The following IL1RAPL2 variants were observed in gnomAD, a reference collection of about 807,000 sequenced individuals.
IL1RAPL2 encodes X-linked interleukin-1 receptor accessory protein-like 2.
Under a neutral mutation model 44.1 loss-of-function variants are expected in IL1RAPL2, and 3 were observed. The ratio of observed to expected loss-of-function variants is 0.07; its 90% confidence interval spans 0.03 to 0.18. The LOEUF (loss-of-function observed/expected upper bound fraction) is 0.18, where lower values mean the gene tolerates loss of function less well. Among genes scored for constraint, IL1RAPL2 ranks in the 10% least tolerant of loss-of-function variants. IL1RAPL2 has a pLI of 1.00. For synonymous variants in IL1RAPL2, 181 were observed against 178.8 expected (o/e 1.01, Z -0.10); for missense variants, 391 against 496.4 (o/e 0.79, Z 2.02).
At chrX:105,505,808 C>T (rs1007895381) in intron 6 of IL1RAPL2, among the ~76,000 whole-genome samples, 9 of 111,309 alleles carry the variant, frequency 8.1e-5, no homozygotes, top group Admixed American at 2.9e-4. Context: ...GAAATGTTGC[C>T]AAAGTAACAC....
At chrX:105,252,213 A>G (rs1200043050) in intron 4 of IL1RAPL2, among the ~76,000 whole-genome samples, 1 of 111,477 alleles carries the variant, frequency 9.0e-6, no homozygotes, top group African/African-American at 3.3e-5. Flanking sequence ...GTCTTCCTTT[A>G]CTTAGTATAA....
At chrX:104,839,512 C>T (rs767056416) in intron 2 of IL1RAPL2, among the ~76,000 whole-genome samples, 10 of 111,719 alleles carry the variant, frequency 9.0e-5, no homozygotes, top group Non-Finnish European at 1.5e-4. Flanking sequence ...AGGATATTTG[C>T]GTCAATGTTC....
chrX:105,340,068 A>G (rs749316850), intron 5 of IL1RAPL2, among the ~76,000 whole-genome samples: 1 of 111,804 alleles, frequency 8.9e-6, no homozygotes, highest in South Asian at 3.7e-4. Context: ...TCAAATTAAA[A>G]TATCTGTATC....
chrX:105,292,070 A>C (rs925743632), intron 5 of IL1RAPL2, among the ~76,000 whole-genome samples: 3 of 111,435 alleles, frequency 2.7e-5, no homozygotes, highest in African/African-American at 9.8e-5. Flanking sequence ...CTGAGGGACA[A>C]CTGTACTAAT....
intron 1 of IL1RAPL2, among the ~76,000 whole-genome samples, chrX:104,630,209 G>A (rs773832692): frequency 2.0e-3 from 219 of 107,101 alleles, no homozygotes; most frequent in Middle Eastern, 4.8e-3. Context: ...GTACAGTGGC[G>A]CGATCTCGGC....
intron 6 of IL1RAPL2, among the ~76,000 whole-genome samples, chrX:105,549,956 T>A (rs974299351): frequency 2.0e-4 from 23 of 112,331 alleles, no homozygotes; most frequent in Non-Finnish European, 3.6e-4. Context: ...TTCTAGATGC[T>A]TCCCTAAAAT....
chrX:104,846,993 T>G (rs1404652880), intron 2 of IL1RAPL2, among the ~76,000 whole-genome samples: 1 of 112,569 alleles, frequency 8.9e-6, no homozygotes, highest in Non-Finnish European at 1.9e-5. Flanking sequence ...CATAAATGTC[T>G]TCTTTTGAGA....
intron 2 of IL1RAPL2, among the ~76,000 whole-genome samples, chrX:105,022,471 T>A: frequency 8.9e-6 from 1 of 111,735 alleles, no homozygotes; most frequent in South Asian, 3.7e-4. Context: ...TCTGTCTCAA[T>A]GAATAGTTTG....
intron 3 of IL1RAPL2, among the ~76,000 whole-genome samples, chrX:105,213,473 C>A (rs1167877556): frequency 2.7e-5 from 3 of 110,105 alleles, no homozygotes; most frequent in African/African-American, 9.9e-5. Context: ...AAATATGGGA[C>A]TATGTGAAAA....
chrX:105,020,962 A>G (rs1212099625), intron 2 of IL1RAPL2, among the ~76,000 whole-genome samples: 1 of 112,238 alleles, frequency 8.9e-6, no homozygotes, highest in African/African-American at 3.2e-5. Flanking sequence ...TTATTTTCAC[A>G]TAATTTATCA....
chrX:105,318,505 TAAG>T (rs2034870384), intron 5 of IL1RAPL2, among the ~76,000 whole-genome samples: 1 of 111,436 alleles, frequency 9.0e-6, no homozygotes, highest in Non-Finnish European at 1.9e-5. Flanking sequence ...GAGAAAAATA[TAAG>T]AAGTAGATCA....
intron 2 of IL1RAPL2, among the ~76,000 whole-genome samples, chrX:104,953,489 C>G: frequency 9.0e-6 from 1 of 111,627 alleles, no homozygotes; most frequent in Middle Eastern, 4.7e-3. Flanking sequence ...CTTAACTAAA[C>G]ATTCCAGATG....
At chrX:105,292,742 A>C (rs777152744) in intron 5 of IL1RAPL2, among the ~76,000 whole-genome samples, 1 of 111,505 alleles carries the variant, frequency 9.0e-6, no homozygotes, top group Non-Finnish European at 1.9e-5. Context: ...TAAATCCCTC[A>C]GTTTTAATTT....
intron 2 of IL1RAPL2, among the ~76,000 whole-genome samples, chrX:105,081,406 A>G (rs1023124679): frequency 9.0e-6 from 1 of 111,645 alleles, no homozygotes; most frequent in Non-Finnish European, 1.9e-5. Flanking sequence ...GAATTATTAG[A>G]ACCTTTTCAT....
intron 5 of IL1RAPL2, among the ~76,000 whole-genome samples, chrX:105,382,056 T>C (rs1165090026): frequency 9.0e-6 from 1 of 111,608 alleles, no homozygotes; most frequent in Non-Finnish European, 1.9e-5. Context: ...GACATAGGCA[T>C]GGGCAAGGAC....
chrX:105,092,920 C>T (rs1325221179), intron 2 of IL1RAPL2, among the ~76,000 whole-genome samples: 1 of 110,600 alleles, frequency 9.0e-6, no homozygotes. Context: ...TAACCCTATA[C>T]ATAGAATAAA....
chrX:105,754,789 A>G (rs370783462), intron 9 of IL1RAPL2, among the ~76,000 whole-genome samples: 2 of 112,387 alleles, frequency 1.8e-5, no homozygotes, highest in African/African-American at 6.5e-5. Flanking sequence ...CAAACAAGGT[A>G]TAGTCTGTGG....
intron 4 of IL1RAPL2, among the ~76,000 whole-genome samples, chrX:105,237,584 T>C (rs895447019): frequency 5.3e-5 from 6 of 112,312 alleles, no homozygotes; most frequent in Non-Finnish European, 1.1e-4. Context: ...TTTGCATTTC[T>C]CTGATGGCCA....
At chrX:105,458,576 A>G (rs1445098514) in intron 5 of IL1RAPL2, among the ~76,000 whole-genome samples, 1 of 111,812 alleles carries the variant, frequency 8.9e-6, no homozygotes, top group Non-Finnish European at 1.9e-5. Flanking sequence ...TTCTGGGCCA[A>G]GTATACAGTT....
Sources: gnomAD v4.1 joint callset for allele counts (sites outside exome capture counted in the v4.1 genomes callset) on GRCh38, gnomAD v4.1.1 for gene constraint, MANE v1.5 for transcripts, NCBI Gene and HGNC (gene_info 2026-07-23, HGNC 2026-07-21) for gene names.